Variants in CPQ observed in about 807,000 individuals in gnomAD.
CPQ encodes the protein Ser-Met dipeptidase.
A neutral mutation model predicts 45.7 loss-of-function variants in CPQ; 37 were observed. The ratio of observed to expected loss-of-function variants is 0.81; its 90% CI spans 0.62 to 1.07. The LOEUF (loss-of-function observed/expected upper bound fraction) is 1.07. Among genes scored for constraint, CPQ ranks in the 50% least tolerant of loss-of-function variants. CPQ has a pLI of 0.00. For missense variants in CPQ, 537 were observed against 572.9 expected (o/e 0.94, Z 0.64); for synonymous variants, 186 against 205.8 (o/e 0.90, Z 0.82).
rs1402770095 is a variant in CPQ, at chr8:96,785,047, C to T, written c.150C>T (p.Ile50=). The change falls in exon 2 of 8, where the codon ATC becomes ATT. Residue 50 remains isoleucine, a synonymous_variant. Transcript: ENST00000220763. ...GCTGTGGAGATGTTGCTAAAGCAAT[C>T]ATCAACCTAGCTGTTTATGGTAAAG... The part of the protein sequence containing the change: ...IASCGDVAKA[I]INLAVYGKAQ... 2 of 1,613,704 alleles carry T rather than the reference C, an allele frequency of 1.2e-6. No individual in the cohort carries two copies. Among genetic ancestry groups the T allele is most frequent in the African/African-American group, 1.3e-5 (1 of 74,884 alleles).
intron 7 of CPQ, among the ~76,000 whole-genome samples, chr8:97,112,282 T>A (rs1284233856): frequency 6.6e-6 from 1 of 151,992 alleles, no homozygotes; most frequent in Non-Finnish European, 1.5e-5. Flanking sequence ...CAACGAGTCA[T>A]CTACAAAAGA....
chr8:96,723,369 C>T (rs140111289), intron 1 of CPQ, among the ~76,000 whole-genome samples: 213 of 152,282 alleles, frequency 1.4e-3, no homozygotes, highest in Non-Finnish European at 2.6e-3. Flanking sequence ...TAAACACTTA[C>T]ATGGAGACTG....
intron 4 of CPQ, among the ~76,000 whole-genome samples, chr8:96,901,362 G>A (rs1175341493): frequency 6.6e-6 from 1 of 152,052 alleles, no homozygotes; most frequent in Non-Finnish European, 1.5e-5. Flanking sequence ...CATTCCCAGG[G>A]CATAAACATT....
At chr8:96,805,115 T>C (rs1362193790) in intron 2 of CPQ, among the ~76,000 whole-genome samples, 1 of 152,228 alleles carries the variant, frequency 6.6e-6, no homozygotes, top group East Asian at 1.9e-4. Context: ...TGCAGCCTTT[T>C]AAAATAATAT....
At chr8:96,665,159 C>T (rs900755654) in intron 1 of CPQ, among the ~76,000 whole-genome samples, 9 of 151,836 alleles carry the variant, frequency 5.9e-5, no homozygotes, top group African/African-American at 1.7e-4. Context: ...TGAGCTGAAT[C>T]GATTGTAGAG....
chr8:97,044,098 C>T (rs1810187259), intron 6 of CPQ, among the ~76,000 whole-genome samples: 1 of 152,340 alleles, frequency 6.6e-6, no homozygotes, highest in African/African-American at 2.4e-5. Flanking sequence ...TGGTTCCATT[C>T]TGCCTGTCAC....
At chr8:96,813,895 C>T (rs971702332) in intron 2 of CPQ, among the ~76,000 whole-genome samples, 4 of 152,092 alleles carry the variant, frequency 2.6e-5, no homozygotes, top group Non-Finnish European at 1.5e-5. Context: ...CACTTATCTT[C>T]CAGCACTATA....
chr8:96,890,557 G>T (rs1812359288), intron 4 of CPQ, among the ~76,000 whole-genome samples: 1 of 152,178 alleles, frequency 6.6e-6, no homozygotes, highest in Admixed American at 6.5e-5. Flanking sequence ...AGGATCTCCT[G>T]TATTCCATGC....
chr8:96,956,906 A>C (rs1379671445), intron 4 of CPQ, among the ~76,000 whole-genome samples: 1 of 152,210 alleles, frequency 6.6e-6, no homozygotes, highest in Non-Finnish European at 1.5e-5. Flanking sequence ...TAAAAGCTAG[A>C]GGTACTGTGC....
intron 2 of CPQ, among the ~76,000 whole-genome samples, chr8:96,824,286 A>G (rs529222156): frequency 3.3e-5 from 5 of 152,160 alleles, no homozygotes; most frequent in Non-Finnish European, 2.9e-5. Flanking sequence ...TCATGTCAAT[A>G]TATTTACCGA....
chr8:96,791,546 A>C (rs1357314276), intron 2 of CPQ, among the ~76,000 whole-genome samples: 3 of 152,140 alleles, frequency 2.0e-5, no homozygotes, highest in Non-Finnish European at 4.4e-5. Flanking sequence ...ACTCACCGGA[A>C]TCTATTCTGT....
At chr8:96,934,674 C>A (rs760514308) in intron 4 of CPQ, among the ~76,000 whole-genome samples, 5 of 152,124 alleles carry the variant, frequency 3.3e-5, no homozygotes, top group Non-Finnish European at 7.3e-5. Flanking sequence ...AACAAGCCCC[C>A]CACTCCCACC....
At chr8:97,093,098 C>T (rs1302575767) in intron 7 of CPQ, among the ~76,000 whole-genome samples, 1 of 152,072 alleles carries the variant, frequency 6.6e-6, no homozygotes, top group Non-Finnish European at 1.5e-5. Context: ...CAGAGAAATG[C>T]AAATCAAAAC....
At chr8:97,006,205 A>C (rs1188120311) in intron 5 of CPQ, among the ~76,000 whole-genome samples, 1 of 152,204 alleles carries the variant, frequency 6.6e-6, no homozygotes, top group African/African-American at 2.4e-5. Context: ...GGGTGAAAAC[A>C]GTTTTGAAAC....
chr8:97,066,558 T>C (rs1447026269), intron 7 of CPQ, among the ~76,000 whole-genome samples: 2 of 152,182 alleles, frequency 1.3e-5, no homozygotes, highest in East Asian at 3.9e-4. Context: ...AACCAAAATT[T>C]GAGAAATAGA....
chr8:96,900,711 G>C (rs994394582), intron 4 of CPQ, among the ~76,000 whole-genome samples: 3 of 152,112 alleles, frequency 2.0e-5, no homozygotes, highest in Non-Finnish European at 4.4e-5. Flanking sequence ...TGGAATCATA[G>C]AATCTCAAGG....
intron 1 of CPQ, among the ~76,000 whole-genome samples, chr8:96,701,339 C>T (rs561448354): frequency 1.3e-5 from 2 of 152,118 alleles, no homozygotes; most frequent in African/African-American, 4.8e-5. Context: ...GACATATAGA[C>T]CTCTGAAATG....
chr8:97,097,873 T>A (rs146691330), intron 7 of CPQ, among the ~76,000 whole-genome samples: 376 of 152,264 alleles, frequency 2.5e-3, no homozygotes, highest in African/African-American at 8.7e-3. Context: ...GTACCACACA[T>A]GACTTCTGCC....
chr8:97,042,574 T>C (rs532360382), intron 6 of CPQ, among the ~76,000 whole-genome samples: 3,076 of 151,530 alleles, frequency 0.02, 96 homozygotes, highest in African/African-American at 0.066. Context: ...TTAATTGTGA[T>C]GTTAGGGTGT....
Sources: gnomAD v4.1 joint callset for allele counts (sites outside exome capture counted in the v4.1 genomes callset) on GRCh38, gnomAD v4.1.1 for gene constraint, MANE v1.5 for transcripts, NCBI Gene and HGNC (gene_info 2026-07-23, HGNC 2026-07-21) for gene names.